The following RTN4RL1 variants were observed in gnomAD, a reference collection of about 807,000 sequenced individuals.
RTN4RL1 encodes the protein reticulon-4 receptor-like 1.
In RTN4RL1, 7 loss-of-function variants were observed where a neutral mutation model predicts 25.6. The ratio of observed to expected loss-of-function variants is 0.27; its 90% CI spans 0.16 to 0.51. RTN4RL1 has a LOEUF of 0.51. RTN4RL1 is among the 20% of genes least tolerant of loss of function. RTN4RL1 has a pLI of 0.97. For synonymous variants in RTN4RL1, 297 were observed against 288.2 expected, an observed-to-expected ratio of 1.03 and a Z score of -0.31; for missense variants, 500 against 615.6, an observed-to-expected ratio of 0.81 and a Z score of 1.99.
chr17:1,964,485 C>T (rs1272531658), intron 1 of RTN4RL1, among the ~76,000 whole-genome samples: 1 of 152,022 alleles, frequency 6.6e-6, no homozygotes, highest in Non-Finnish European at 1.5e-5. Context: ...GTTATCCCAG[C>T]ACTTTGGGAG....
At chr17:1,952,526 G>C (rs897300576) in intron 1 of RTN4RL1, among the ~76,000 whole-genome samples, 4 of 151,470 alleles carry the variant, frequency 2.6e-5, no homozygotes, top group African/African-American at 9.7e-5. Context: ...CATATTTTTA[G>C]TAGAGACGGG....
At chr17:2,020,070 A>T (rs973017176) in intron 1 of RTN4RL1, 9 of 152,130 alleles carry the variant, frequency 5.9e-5, no homozygotes, top group African/African-American at 2.2e-4. Flanking sequence ...CGGAGCTTTG[A>T]GGAGCGCAGC....
rs566810017 is a variant in RTN4RL1, at chr17:1,961,332, C to T, written c.14-23524G>A. Among the ~76,000 whole-genome samples the T allele has an allele frequency of 3.0e-4, 45 of 152,258 alleles. 1 individual carries two copies. The South Asian group carries it at 7.9e-3, about 27-fold the overall frequency. ...GGGTGGAAGGGGCATTGGAGGACGA[C>T]GGGGCAGGGCATTCCAGGCAGAAGG... On this transcript the variant is annotated intron_variant, in intron 1 of 1. Transcript: ENST00000331238.
chr17:1,940,733 C>T (rs1915421877), intron 1 of RTN4RL1, among the ~76,000 whole-genome samples: 2 of 152,184 alleles, frequency 1.3e-5, no homozygotes, highest in Non-Finnish European at 2.9e-5. Flanking sequence ...TCACACTCCT[C>T]ACCCCTCCTC....
chr17:1,952,834 T>C (rs1305103815), intron 1 of RTN4RL1, among the ~76,000 whole-genome samples: 3 of 150,526 alleles, frequency 2.0e-5, no homozygotes, highest in African/African-American at 7.3e-5. Flanking sequence ...CCCAGCACTT[T>C]GGGAGGCTGA....
chr17:1,968,801 G>T lies in RTN4RL1; in HGVS notation c.14-30993C>A, dbSNP rs188053737. Among the ~76,000 whole-genome samples the T allele has an allele frequency of 3.8e-3, 572 of 152,326 alleles. 4 individuals carry two copies. The highest frequency in any genetic ancestry group is 7.0e-3 in the Admixed American group (107 of 15,300). ...GAACTTGGCACAGGCTAAGGGGATTGTCCCCCTTTGGGGCTTACCCAGAAC... is the reference window on the plus strand; with the variant it reads ...GAACTTGGCACAGGCTAAGGGGATTTTCCCCCTTTGGGGCTTACCCAGAAC... On this transcript the variant is annotated intron_variant, in intron 1 of 1. Coordinates refer to ENST00000331238, the MANE Select transcript of RTN4RL1 (RefSeq NM_178568.4).
chr17:1,951,422 C>T (rs543778819), intron 1 of RTN4RL1, among the ~76,000 whole-genome samples: 9 of 152,082 alleles, frequency 5.9e-5, no homozygotes, highest in African/African-American at 1.4e-4. Flanking sequence ...GTGGCTTTAC[C>T]GAAGCCACAA....
At chr17:1,941,263 A>G (rs1915432870) in intron 1 of RTN4RL1, among the ~76,000 whole-genome samples, 1 of 152,348 alleles carries the variant, frequency 6.6e-6, no homozygotes, top group African/African-American at 2.4e-5. Context: ...GATGTCAGGA[A>G]ACAGGGGACA....
intron 1 of RTN4RL1, among the ~76,000 whole-genome samples, chr17:1,967,981 C>T (rs1317259934): frequency 6.6e-6 from 1 of 152,154 alleles, no homozygotes; most frequent in East Asian, 1.9e-4. Context: ...AGGTCAAAGT[C>T]CCCTTGAAAT....
intron 1 of RTN4RL1, among the ~76,000 whole-genome samples, chr17:1,985,577 A>G (rs1438135628): frequency 6.6e-6 from 1 of 152,246 alleles, no homozygotes; most frequent in East Asian, 1.9e-4. Flanking sequence ...GCCCAGATTA[A>G]TCGCCCTGGG....
intron 1 of RTN4RL1, among the ~76,000 whole-genome samples, chr17:1,950,251 C>A (rs754251292): frequency 9.9e-5 from 15 of 151,864 alleles, no homozygotes; most frequent in African/African-American, 3.6e-4. Context: ...CTGAATGGAC[C>A]GGACAGATGC....
intron 1 of RTN4RL1, among the ~76,000 whole-genome samples, chr17:1,946,750 G>A (rs567480009): frequency 2.7e-5 from 4 of 150,052 alleles, no homozygotes; most frequent in African/African-American, 9.8e-5. Flanking sequence ...CACGGGGTCT[G>A]TGTGGATCTA....
intron 1 of RTN4RL1, among the ~76,000 whole-genome samples, chr17:1,940,203 G>C (rs535508207): frequency 6.6e-6 from 1 of 152,200 alleles, no homozygotes; most frequent in Non-Finnish European, 1.5e-5. Flanking sequence ...ACCCGGCTTC[G>C]ACTGAACATT....
At chr17:1,951,052 T>G (rs1597491066) in intron 1 of RTN4RL1, among the ~76,000 whole-genome samples, 1 of 151,392 alleles carries the variant, frequency 6.6e-6, no homozygotes, top group South Asian at 2.1e-4. Flanking sequence ...GATCACGAGG[T>G]CAGGAGATCG....
chr17:1,981,353 A>C (rs2066866481), intron 1 of RTN4RL1, among the ~76,000 whole-genome samples: 1 of 152,188 alleles, frequency 6.6e-6, no homozygotes, highest in South Asian at 2.1e-4. Context: ...TGCAACTCCA[A>C]CCTGGGTGAC....
At chr17:1,993,211 G>A (rs200354139) in intron 1 of RTN4RL1, among the ~76,000 whole-genome samples, 4 of 152,134 alleles carry the variant, frequency 2.6e-5, no homozygotes, top group Non-Finnish European at 4.4e-5. Context: ...TCGCGCCACC[G>A]CACTCCAGCC....
chr17:1,978,523 G>C (rs1174722535), intron 1 of RTN4RL1, among the ~76,000 whole-genome samples: 1 of 152,174 alleles, frequency 6.6e-6, no homozygotes, highest in Non-Finnish European at 1.5e-5. Flanking sequence ...CAGCAGCCAA[G>C]AATAGTGGCC....
At position 2,025,143 on chromosome 17, in the gene RTN4RL1, G is replaced by A. The variant is rs575634435; in HGVS notation, c.-278C>T. On this transcript the variant is annotated 5_prime_UTR_variant, in exon 1 of 2. Coordinates refer to ENST00000331238, the MANE Select transcript of RTN4RL1 (RefSeq NM_178568.4). This position sits in a 1 kb window ranked among gnomAD's most constrained non-coding sequence, Gnocchi z 4.8. ...AGCGGCTTGCTCCGCGGAGCCGGCGGCCTGCTTCTGCCACCCGGAGCACTT... is the reference window on the plus strand; with the variant it reads ...AGCGGCTTGCTCCGCGGAGCCGGCGACCTGCTTCTGCCACCCGGAGCACTT... The A allele has an allele frequency of 1.5e-3, 456 of 312,688 alleles. 4 individuals carry two copies. Among genetic ancestry groups the A allele is most frequent in the African/African-American group, 8.7e-3 (399 of 45,880 alleles). 19.4% of individuals were successfully genotyped at this position (312,688 alleles called of 1,614,324 possible). A position where few individuals can be genotyped will look rare whatever the true frequency, so the allele number is the denominator to read the frequency against.
chr17:1,937,207 G>C lies in RTN4RL1; in HGVS notation c.615C>G (p.His205Gln). 1 of 1,612,338 alleles carries C rather than the reference G, an allele frequency of 6.2e-7. No individual in the cohort carries two copies. Among genetic ancestry groups the C allele is most frequent in the Non-Finnish European group, 8.5e-7 (1 of 1,179,802 alleles). ...GLVNLDRLLLHENQLQWVHHK... is the reference protein window; with the variant it reads ...GLVNLDRLLLQENQLQWVHHK... ...GGTGGACCCACTGCAGCTGGTTCTC[G>C]TGCAGCAAAAGACGGTCCAGGTTCA... The change falls in exon 2 of 2, where the codon CAC becomes CAG. Residue 205 changes from histidine (H) to glutamine (Q), a missense_variant. His to Gln is a conservative substitution (Grantham distance 24). Around this residue, in one of 2 missense-constraint regions of RTN4RL1, gnomAD observed 232 missense variants for 341.1 expected, o/e 0.68. Transcript: ENST00000331238.
Sources: gnomAD v4.1 joint callset for allele counts (sites outside exome capture counted in the v4.1 genomes callset) on GRCh38, gnomAD v4.1.1 for gene constraint, gnomAD v4.1.1 regional missense constraint, Gnocchi (gnomAD v3.1) non-coding constraint, MANE v1.5 for transcripts, NCBI Gene and HGNC (gene_info 2026-07-23, HGNC 2026-07-21) for gene names.